Variants in EIF2B5 observed in about 807,000 individuals in gnomAD.
The protein encoded by EIF2B5 is translation initiation factor eIF2B subunit epsilon.
A neutral mutation model predicts 87.3 loss-of-function variants in EIF2B5; 38 were observed. The ratio of observed to expected loss-of-function variants is 0.44; its 90% confidence interval spans 0.34 to 0.57. The LOEUF (loss-of-function observed/expected upper bound fraction) is 0.57, where lower values mean the gene tolerates loss of function less well. Among genes scored for constraint, EIF2B5 ranks in the 20% least tolerant of loss-of-function variants. The pLI is 0.02. For missense variants in EIF2B5, 784 were observed against 909.5 expected (o/e 0.86, Z 1.78); for synonymous variants, 313 against 339.6 (o/e 0.92, Z 0.86).
At chr3:184,143,595 G>A (rs1478581364) in intron 13 of EIF2B5, 30 bp downstream of exon 13, 2 of 1,614,144 alleles carry the variant, frequency 1.2e-6, no homozygotes, top group Non-Finnish European at 8.5e-7. Context: ...GAGTACAAGG[G>A]ATTGGGTACA....
At position 184,137,801 on chromosome 3, in the gene EIF2B5, C is replaced by T. The variant is rs1338670519; in HGVS notation, c.502C>T (p.His168Tyr). ...NINITRALEE[H>Y]RLRRKLEKNV... ...CAATATCACCAGAGCCCTTGAGGAACACAGGTCAGGATGGGAAAATGACAG... is the reference window on the plus strand; with the variant it reads ...CAATATCACCAGAGCCCTTGAGGAATACAGGTCAGGATGGGAAAATGACAG... Residue 168 changes from histidine (H) to tyrosine (Y), a missense_variant, in exon 3 of 16, where the codon CAC becomes TAC. This residue lies in a region of EIF2B5 where 660 missense variants were observed against 789.5 expected (regional missense o/e 0.84). Coordinates refer to ENST00000648915, the MANE Select transcript of EIF2B5 (RefSeq NM_003907.3). 1 of 1,614,180 alleles carries T rather than the reference C, an allele frequency of 6.2e-7. No homozygotes were observed. The highest frequency in any genetic ancestry group is 1.1e-5 in the South Asian group (1 of 91,084).
chr3:184,139,186 G>GTC (rs1425097932), intron 5 of EIF2B5, among the ~76,000 whole-genome samples: 1 of 151,156 alleles, frequency 6.6e-6, no homozygotes, highest in Non-Finnish European at 1.5e-5. Context: ...GGCCAGGCTG[G>GTC]TCTCTAACTC....
At chr3:184,143,623 G>A in intron 13 of EIF2B5, 58 bp downstream of exon 13, 3 of 1,612,924 alleles carry the variant, frequency 1.9e-6, no homozygotes, top group Middle Eastern at 1.7e-4. Context: ...GAAATCAGGA[G>A]TAGACTGTCT....
intron 5 of EIF2B5, 108 bp from the exon 6 acceptor site, chr3:184,139,972 G>C (rs1302927160): frequency 8.5e-6 from 7 of 822,590 alleles, no homozygotes; most frequent in Non-Finnish European, 1.2e-5. Context: ...GCAGTGAGCC[G>C]AGATCATGCA....
At chr3:184,143,638 A>T in intron 13 of EIF2B5, 73 bp downstream of exon 13, 1 of 1,608,742 alleles carries the variant, frequency 6.2e-7, no homozygotes, top group Admixed American at 1.7e-5. Context: ...CTGTCTTGTT[A>T]TATTGGGTGT....
intron 1 of EIF2B5, 164 bp downstream of exon 1, chr3:184,135,744 A>G: frequency 3.1e-6 from 3 of 979,642 alleles, no homozygotes; most frequent in South Asian, 1.5e-5. Context: ...ATGACTGCTG[A>G]CCAAGTTAGT....
At chr3:184,144,375 C>G in intron 14 of EIF2B5, 151 bp downstream of exon 14, 1 of 1,382,582 alleles carries the variant, frequency 7.2e-7, no homozygotes, top group Non-Finnish European at 1.0e-6. Flanking sequence ...CAGCTTGGAG[C>G]CGGACTAATA....
At position 184,140,698 on chromosome 3, in the gene EIF2B5, C is replaced by G; in HGVS notation, c.1124C>G (p.Thr375Ser). ...GTVIGSNCFITNSVIGPGCHI... is the reference protein window; with the variant it reads ...GTVIGSNCFISNSVIGPGCHI... ...GTCATTGGCAGCAATTGCTTTATCA[C>G]CAACAGTGTCATTGGCCCCGGCTGC... Residue 375 changes from threonine to serine, a missense_variant, in exon 7 of 16, where the codon ACC becomes AGC. Physicochemically the swap from Thr to Ser is moderately conservative, Grantham distance 58 (BLOSUM62 1). Coordinates refer to ENST00000648915, the MANE Select transcript of EIF2B5 (RefSeq NM_003907.3). 3 of 1,614,164 alleles carry G rather than the reference C, an allele frequency of 1.9e-6. No homozygotes were observed. The highest frequency in any genetic ancestry group is 2.5e-6 in the Non-Finnish European group (3 of 1,180,030).
chr3:184,143,974 A>G, intron 13 of EIF2B5, 125 bp from the exon 14 acceptor site: 1 of 1,448,300 alleles, frequency 6.9e-7, no homozygotes, highest in Non-Finnish European at 9.6e-7. Context: ...TCCCTCTGAC[A>G]TAATTCCACA....
At position 184,142,680 on chromosome 3, in the gene EIF2B5, A is replaced by G. The variant is rs895210176; in HGVS notation, c.1546+77A>G. 31 of 1,553,288 alleles carry G rather than the reference A, an allele frequency of 2.0e-5. No homozygotes were observed. The African/African-American group carries it at 3.8e-4, about 19-fold the overall frequency. Reference sequence around the variant, plus strand: ...AGGATAATGAATACTTCAGAGTCACATTACTTATTCACTCCTTTATTCAGG... The same window carrying G: ...AGGATAATGAATACTTCAGAGTCACGTTACTTATTCACTCCTTTATTCAGG... On this transcript the variant is annotated intron_variant, in intron 10 of 15. Transcript: ENST00000648915. This position sits in a 1 kb window ranked among gnomAD's most constrained non-coding sequence, Gnocchi z 5.0.
intron 7 of EIF2B5, 48 bp downstream of exon 7, chr3:184,140,778 T>TG (rs747523829): frequency 2.6e-5 from 42 of 1,605,096 alleles, no homozygotes; most frequent in African/African-American, 1.7e-4. Context: ...AACAGGAACC[T>TG]GGGGGGGCCA....
intron 1 of EIF2B5, 83 bp downstream of exon 1, chr3:184,135,663 G>A (rs1713317917): frequency 6.6e-7 from 1 of 1,522,630 alleles, no homozygotes; most frequent in East Asian, 2.5e-5. Flanking sequence ...AACTACAACA[G>A]CATGCCCTTG....
intron 7 of EIF2B5, among the ~76,000 whole-genome samples, chr3:184,141,336 T>C (rs1232497734): frequency 6.6e-6 from 1 of 152,134 alleles, no homozygotes; most frequent in Middle Eastern, 3.2e-3. Context: ...TGGGAAGCCA[T>C]GGTGGGAGGA....
At chr3:184,138,115 C>T (rs1205773552) in intron 4 of EIF2B5, 40 bp downstream of exon 4, 5 of 1,614,146 alleles carry the variant, frequency 3.1e-6, no homozygotes, top group Non-Finnish European at 3.4e-6. Context: ...GGGGAAGTGA[C>T]AGGCTTCAGT....
chr3:184,144,034 G>T, intron 13 of EIF2B5, 65 bp from the exon 14 acceptor site: 1 of 1,611,274 alleles, frequency 6.2e-7, no homozygotes, highest in Non-Finnish European at 8.5e-7. Flanking sequence ...GTATGGATTT[G>T]CTTGGATGTC....
In EIF2B5 at chr3:184,142,233, T is replaced by G. The variant is rs747875451; in HGVS notation, c.1303-4T>G. The G allele has an allele frequency of 1.2e-6, 2 of 1,613,996 alleles. No individual in the cohort carries two copies. The highest frequency in any genetic ancestry group is 1.7e-6 in the Non-Finnish European group (2 of 1,180,028). ...TAATGGTTCTGTGTTTTTTTTCCCCTTAGGTGGTCGTGGGCCCAAATATCA... is the reference window on the plus strand; with the variant it reads ...TAATGGTTCTGTGTTTTTTTTCCCCGTAGGTGGTCGTGGGCCCAAATATCA... On this transcript the variant is annotated splice_region_variant and splice_polypyrimidine_tract_variant and intron_variant, in intron 8 of 15. Coordinates refer to ENST00000648915, the MANE Select transcript of EIF2B5 (RefSeq NM_003907.3). This position sits in a 1 kb window ranked among gnomAD's most constrained non-coding sequence, Gnocchi z 5.0.
chr3:184,135,626 G>A (rs762650029), intron 1 of EIF2B5, 46 bp downstream of exon 1: 13 of 1,555,594 alleles, frequency 8.4e-6, no homozygotes, highest in Non-Finnish European at 1.0e-5. Context: ...AAGGGTGGCA[G>A]GGCTGGAGCA....
intron 5 of EIF2B5, 108 bp from the exon 6 acceptor site, chr3:184,139,972 G>A (rs1302927160): frequency 1.1e-5 from 9 of 822,590 alleles, no homozygotes; most frequent in African/African-American, 6.9e-5. Context: ...GCAGTGAGCC[G>A]AGATCATGCA....
Position 184,140,120 on chromosome 3 carries a change from G to A in EIF2B5, c.806G>A (p.Arg269Gln), listed in dbSNP as rs113994057. The change falls in exon 6 of 16, where the codon CGA (arginine) becomes CAA (glutamine). Residue 269 changes from arginine to glutamine, a missense_variant. Arg to Gln is a conservative substitution (Grantham distance 43). Transcript: ENST00000648915. ...LFTDNFDYQT[R>Q]DDFVRGLLVN... ...ACAGACAACTTTGACTACCAAACTC[G>A]AGATGACTTTGTGCGAGGTCTCTTA... 4 of 1,613,686 alleles carry A rather than the reference G, an allele frequency of 2.5e-6. No individual in the cohort carries two copies. The highest frequency in any genetic ancestry group is 3.4e-6 in the Non-Finnish European group (4 of 1,179,836).
Sources: gnomAD v4.1 joint callset for allele counts (sites outside exome capture counted in the v4.1 genomes callset) on GRCh38, gnomAD v4.1.1 for gene constraint, gnomAD v4.1.1 regional missense constraint, Gnocchi (gnomAD v3.1) non-coding constraint, MANE v1.5 for transcripts, NCBI Gene and HGNC (gene_info 2026-07-23, HGNC 2026-07-21) for gene names.